Variants in FAM131C observed in about 807,000 individuals in gnomAD.
FAM131C encodes family with sequence similarity 131 member C.
FAM131C carries 14 observed loss-of-function variants against 29.8 expected under a neutral mutation model. That is an observed-to-expected ratio of 0.47 (90% CI 0.31 to 0.73). FAM131C has a LOEUF of 0.73. Among genes scored for constraint, FAM131C ranks in the 30% least tolerant of loss-of-function variants. FAM131C has a pLI of 0.05. For synonymous variants in FAM131C, 86 were observed against 157.8 expected (o/e 0.54, Z 3.41); for missense variants, 252 against 383.8 (o/e 0.66, Z 2.87).
In FAM131C at chr1:16,073,574, C is replaced by T. The variant is rs2023781843; in HGVS notation, c.-132G>A. The stretch of plus-strand genomic sequence containing the variant: ...GGGCGGGGGGCTCGGGCGCCCTCAG[C>T]TCGGCCTCAGCTCCAGCCTGGGTCG... On this transcript the variant is annotated 5_prime_UTR_variant, in exon 1 of 7. Coordinates refer to ENST00000375662, the MANE Select transcript of FAM131C (RefSeq NM_182623.3). 2.9e-6 allele frequency: 1 copy of T among 343,490 alleles called. No individual in the cohort carries two copies. Among genetic ancestry groups the T allele is most frequent in the Non-Finnish European group, 4.7e-6 (1 of 213,436 alleles). 21.3% of individuals were successfully genotyped at this position (343,490 alleles called of 1,614,324 possible).
chr1:16,066,678 C>T (rs149118327), intron 1 of FAM131C, among the ~76,000 whole-genome samples: 1 of 152,324 alleles, frequency 6.6e-6, no homozygotes, highest in East Asian at 1.9e-4. Context: ...TTAAGTATTA[C>T]TTTATGAAGC....
intron 1 of FAM131C, 37 bp from the exon 2 acceptor site, chr1:16,063,673 C>A: frequency 2.8e-6 from 4 of 1,425,104 alleles, no homozygotes; most frequent in Non-Finnish European, 3.9e-6. Flanking sequence ...TCAGCAAAGC[C>A]CAGCCCTCTC....
intron 2 of FAM131C, among the ~76,000 whole-genome samples, chr1:16,062,962 G>A (rs529895581): frequency 3.9e-5 from 6 of 152,264 alleles, no homozygotes; most frequent in African/African-American, 9.6e-5. Flanking sequence ...GTGCCGCTGG[G>A]GAGAAGGTAA....
chr1:16,066,843 G>A (rs2023689234), intron 1 of FAM131C, among the ~76,000 whole-genome samples: 1 of 152,204 alleles, frequency 6.6e-6, no homozygotes, highest in South Asian at 2.1e-4. Flanking sequence ...CTGAGGTTCT[G>A]GAAATTCTGC....
chr1:16,063,351 G>C (rs571333063), intron 2 of FAM131C, among the ~76,000 whole-genome samples, 170 bp downstream of exon 2: 2 of 152,262 alleles, frequency 1.3e-5, no homozygotes, highest in African/African-American at 4.8e-5. Context: ...GCTCAGTCCA[G>C]TCCAGCCCCT....
chr1:16,062,346 C>T (rs570996835), intron 3 of FAM131C, among the ~76,000 whole-genome samples, 153 bp downstream of exon 3: 325 of 139,246 alleles, frequency 2.3e-3, no homozygotes, highest in Non-Finnish European at 3.9e-3. Flanking sequence ...CCTACTAACT[C>T]CCACGGGACA....
intron 3 of FAM131C, 45 bp from the exon 4 acceptor site, chr1:16,062,237 C>G: frequency 6.3e-7 from 1 of 1,582,796 alleles, no homozygotes; most frequent in Non-Finnish European, 8.6e-7. Flanking sequence ...GCCAGGCTGC[C>G]GGCCGACATC....
intron 1 of FAM131C, among the ~76,000 whole-genome samples, chr1:16,066,953 C>A (rs1275978288): frequency 6.6e-6 from 1 of 152,196 alleles, no homozygotes; most frequent in African/African-American, 2.4e-5. Context: ...TTCTAGGACC[C>A]CTGGCCATCC....
intron 4 of FAM131C, among the ~76,000 whole-genome samples, chr1:16,061,847 T>C (rs2023598672): frequency 6.6e-6 from 1 of 151,216 alleles, no homozygotes; most frequent in South Asian, 2.1e-4. Context: ...CAGACAGACA[T>C]CTGAAAAACT....
At chr1:16,067,698 G>C (rs1162653129) in intron 1 of FAM131C, among the ~76,000 whole-genome samples, 4 of 152,186 alleles carry the variant, frequency 2.6e-5, no homozygotes, top group African/African-American at 7.2e-5. Context: ...ATCTGCTTTA[G>C]AGTCTAACCT....
intron 1 of FAM131C, among the ~76,000 whole-genome samples, chr1:16,069,620 G>T (rs74054909): frequency 0.022 from 3,364 of 152,306 alleles, 63 homozygotes; most frequent in African/African-American, 0.048. Flanking sequence ...CATGGAGCGG[G>T]TACTGAGCCC....
chr1:16,063,890 T>C (rs1408093168), intron 1 of FAM131C, among the ~76,000 whole-genome samples: 1 of 152,122 alleles, frequency 6.6e-6, no homozygotes, highest in African/African-American at 2.4e-5. Context: ...CACTCCAGCA[T>C]GATTTTGGCC....
chr1:16,070,056 CCT>C (rs939006530), intron 1 of FAM131C, among the ~76,000 whole-genome samples: 1 of 152,170 alleles, frequency 6.6e-6, no homozygotes, highest in African/African-American at 2.4e-5. Flanking sequence ...AGCCATAGCA[CCT>C]CTCTCTCTAT....
At chr1:16,065,280 G>C (rs984481277) in intron 1 of FAM131C, among the ~76,000 whole-genome samples, 4 of 152,068 alleles carry the variant, frequency 2.6e-5, no homozygotes, top group African/African-American at 9.7e-5. Context: ...CACTCTCCCC[G>C]GGGCCACGCA....
intron 4 of FAM131C, among the ~76,000 whole-genome samples, chr1:16,061,025 A>G (rs1409417078): frequency 6.6e-6 from 1 of 152,126 alleles, no homozygotes; most frequent in Admixed American, 6.5e-5. Context: ...GGAATGGTTC[A>G]GCATCACCAT....
At chr1:16,062,380 G>GGC (rs2023611185) in intron 3 of FAM131C, 119 bp downstream of exon 3, 5 of 860,194 alleles carry the variant, frequency 5.8e-6, no homozygotes, top group African/African-American at 6.0e-5. Flanking sequence ...GTTTCATCAG[G>GGC]CCCCCCCCCC....
At position 16,063,566 on chromosome 1, in the gene FAM131C, G is replaced by A. The variant is rs2023635681; in HGVS notation, c.93C>T (p.Pro31=). 1.2e-6 allele frequency: 2 copies of A among 1,613,930 alleles called. No individual in the cohort carries two copies. Among genetic ancestry groups the A allele is most frequent in the South Asian group, 1.1e-5 (1 of 91,076 alleles). The change falls in exon 2 of 7, where the codon CCC becomes CCT. Residue 31 remains proline (P), a synonymous_variant. Transcript: ENST00000375662. ...QGADPLNPDL[P]SGRTPTVAPD... ...GAGCCACGGTGGGAGTGCGGCCCGA[G>A]GGCAGATCTGGGTTCAAGGGGTCCG...
rs868662598 is a variant in FAM131C, at chr1:16,068,773, C to T, written c.22+4648G>A. On this transcript the variant is annotated intron_variant, in intron 1 of 6. Transcript: ENST00000375662. ...TCCCCAGGACTTCCACACACCCCAG[C>T]TCCTCCCCACTTCCTTCCCCAGGCT... is the stretch of plus-strand genomic sequence containing the variant. 3.9e-5 allele frequency among the ~76,000 whole-genome samples: 6 copies of T among 152,302 alleles called. No homozygotes were observed. In the South Asian group the frequency reaches 8.3e-4, roughly 21 times the overall value.
At chr1:16,072,977 G>C (rs956489801) in intron 1 of FAM131C, among the ~76,000 whole-genome samples, 1 of 151,998 alleles carries the variant, frequency 6.6e-6, no homozygotes, top group Non-Finnish European at 1.5e-5. Context: ...GGGGGCACCC[G>C]GTAAGACGTG....
Sources: gnomAD v4.1 joint callset for allele counts (sites outside exome capture counted in the v4.1 genomes callset) on GRCh38, gnomAD v4.1.1 for gene constraint, MANE v1.5 for transcripts, NCBI Gene and HGNC (gene_info 2026-07-23, HGNC 2026-07-21) for gene names.